Variants in WDR81 observed in about 807,000 individuals in gnomAD.
WDR81 encodes WD repeat domain 81, also known as WD repeat-containing protein 81.
Under a neutral mutation model 140.8 loss-of-function variants are expected in WDR81, and 92 were observed. The observed-to-expected ratio is 0.65, with a 90% CI of 0.55 to 0.78. WDR81 has a LOEUF of 0.78. Ranked by LOEUF, WDR81 falls within the 30% of genes least tolerant of loss-of-function variation. WDR81 has a pLI of 0.00. For synonymous variants in WDR81, 1,183 were observed against 1,156.4 expected, an observed-to-expected ratio of 1.02 and a Z score of -0.47; for missense variants, 2,502 against 2,636.4, an observed-to-expected ratio of 0.95 and a Z score of 1.12.
intron 1 of WDR81, among the ~76,000 whole-genome samples, 160 bp downstream of exon 1, chr17:1,728,786 T>C (rs1398646524): frequency 6.6e-6 from 1 of 151,810 alleles, no homozygotes; most frequent in East Asian, 1.9e-4. Flanking sequence ...ACCCCGTCTC[T>C]ACTAAAAATA....
At chr17:1,721,793 G>A (rs2151156780), upstream of WDR81, among the ~76,000 whole-genome samples, 1 of 148,078 alleles carries the variant, frequency 6.8e-6, no homozygotes, top group Non-Finnish European at 1.5e-5. Context: ...CTGCATTCTA[G>A]CCTGGGCAAC....
chr17:1,725,187 T>C lies in WDR81; in HGVS notation c.228T>C (p.Cys76=). 6.5e-7 allele frequency: 1 copy of C among 1,536,838 alleles called. No homozygotes were observed. Among genetic ancestry groups the C allele is most frequent in the Non-Finnish European group, 8.7e-7 (1 of 1,146,346 alleles). ...LRDRRLPLGP[C]PRAEGLGEAE... ...ATCGCCGGCTGCCCCTGGGACCCTG[T>C]CCCCGCGCAGAGGGCCTGGGAGAAG... Residue 76 remains cysteine, a synonymous_variant, in exon 1 of 10, where the codon TGT becomes TGC. Transcript: ENST00000409644.
chr17:1,727,837 A>G lies in WDR81; in HGVS notation c.2878A>G (p.Lys960Glu). 3.2e-6 allele frequency: 5 copies of G among 1,550,642 alleles called. No individual in the cohort carries two copies. The highest frequency in any genetic ancestry group is 4.4e-6 in the Non-Finnish European group (5 of 1,147,044). ...GGCACTGGGCCCCAAAAATGCCAAT[A>G]AGTACCTCCTGAAGCCGCTCATTGG... is the stretch of plus-strand genomic sequence containing the variant. ...AKALGPKNAN[K>E]YLLKPLIGAY... Residue 960 changes from lysine to glutamate, a missense_variant, in exon 1 of 10, where the codon AAG becomes GAG. Lys to Glu is a moderately conservative substitution (Grantham distance 56). Around this residue, in one of 3 missense-constraint regions of WDR81, gnomAD observed 1,737 missense variants for 1,843.0 expected, o/e 0.94. Transcript: ENST00000409644.
chr17:1,728,809 C>T (rs955970409), intron 1 of WDR81, among the ~76,000 whole-genome samples, 183 bp downstream of exon 1: 17 of 151,970 alleles, frequency 1.1e-4, no homozygotes, highest in Non-Finnish European at 1.9e-4. Context: ...AAAAAATAGC[C>T]GGGCGTGGGG....
rs570441656 is a variant in WDR81, at chr17:1,732,401, A to G, written c.4234A>G (p.Ile1412Val). 5 of 1,613,488 alleles carry G rather than the reference A, an allele frequency of 3.1e-6. No homozygotes were observed. Among genetic ancestry groups the G allele is most frequent in the African/African-American group, 1.3e-5 (1 of 75,002 alleles). ...CCTCATCGCCCTCATCTGCCTGCGC[A>G]TTGGACAGGAGATGGTCCAGCAGCA... Reference protein sequence around the residue: ...ISLIALICLRIGQEMVQQHLS... With the variant: ...ISLIALICLRVGQEMVQQHLS... The change falls in exon 5 of 10, where the codon ATT becomes GTT. Residue 1412 changes from isoleucine to valine, a missense_variant. Transcript: ENST00000409644.
At position 1,725,442 on chromosome 17, in the gene WDR81, G is replaced by T. The variant is rs1478627160; in HGVS notation, c.483G>T (p.Pro161=). Residue 161 remains proline (P), a synonymous_variant, in exon 1 of 10, where the codon CCG becomes CCT. Transcript: ENST00000409644. The part of the protein sequence containing the change: ...WRHAYHTYGQ[P]YSHSPAPSAV... ...ATGCATACCACACTTACGGCCAGCCGTACAGTCACAGCCCTGCCCCCTCAG... is the reference window on the plus strand; with the variant it reads ...ATGCATACCACACTTACGGCCAGCCTTACAGTCACAGCCCTGCCCCCTCAG... 3.9e-6 allele frequency: 6 copies of T among 1,549,260 alleles called. No individual in the cohort carries two copies. Among genetic ancestry groups the T allele is most frequent in the Admixed American group, 2.0e-5 (1 of 51,014 alleles).
chr17:1,730,877 C>T lies in WDR81; in HGVS notation c.3898C>T (p.Leu1300Phe), dbSNP rs147582538. 3 of 1,612,856 alleles carry T rather than the reference C, an allele frequency of 1.9e-6. No homozygotes were observed. The highest frequency in any genetic ancestry group is 2.5e-6 in the Non-Finnish European group (3 of 1,179,978). Reference sequence around the variant, plus strand: ...GTCAGGGCCTGTGCTCAGCTGCCTCCTCCACATCGCCCGCCTGTATGGGGA... The same window carrying T: ...GTCAGGGCCTGTGCTCAGCTGCCTCTTCCACATCGCCCGCCTGTATGGGGA... ...IVSGPVLSCL[L>F]HIARLYGEPV... is the part of the protein sequence containing the mutation. The change falls in exon 3 of 10, where the codon CTC (leucine) becomes TTC (phenylalanine). Residue 1300 changes from leucine (L) to phenylalanine (F), a missense_variant. Leu to Phe is a conservative substitution (Grantham distance 22). Coordinates refer to ENST00000409644, the MANE Select transcript of WDR81 (RefSeq NM_001163809.2).
chr17:1,730,383 C>G lies in WDR81; in HGVS notation c.3671C>G (p.Thr1224Arg). Reference protein sequence around the residue: ...EGKEQKILLDTACKMVRWLSA... With the variant: ...EGKEQKILLDRACKMVRWLSA... ...AGGGCCTGCTCCCACCCCGCAGATACAGCCTGCAAGATGGTCCGCTGGCTG... is the reference window on the plus strand; with the variant it reads ...AGGGCCTGCTCCCACCCCGCAGATAGAGCCTGCAAGATGGTCCGCTGGCTG... The change falls in exon 2 of 10, where the codon ACA (threonine) becomes AGA (arginine). Residue 1224 changes from threonine (T) to arginine (R), a missense_variant. This residue lies in a region of WDR81 where 1,737 missense variants were observed against 1,843.0 expected (regional missense o/e 0.94). Transcript: ENST00000409644. 6 of 1,611,606 alleles carry G rather than the reference C, an allele frequency of 3.7e-6. No homozygotes were observed. Among genetic ancestry groups the G allele is most frequent in the Non-Finnish European group, 5.1e-6 (6 of 1,179,240 alleles).
rs571308358 is a variant in WDR81 at position 1,728,999 on chromosome 17, C to T, written c.3667+373C>T. Among the ~76,000 whole-genome samples the T allele has an allele frequency of 1.2e-3, 177 of 152,254 alleles. 1 individual carries two copies. Among genetic ancestry groups the T allele is most frequent in the Middle Eastern group, 3.4e-3 (1 of 292 alleles). On this transcript the variant is annotated intron_variant, in intron 1 of 9. Transcript: ENST00000409644. ...AAAACAGCTCCTGCTTCTCCCTGCA[C>T]ACTGGCAGAGCACCTACTCTGTGCC... is the stretch of plus-strand genomic sequence containing the variant.
At chr17:1,736,241 C>T (rs970799913) in intron 9 of WDR81, 23 bp downstream of exon 9, 5 of 1,586,768 alleles carry the variant, frequency 3.2e-6, no homozygotes, top group Non-Finnish European at 8.5e-7. Context: ...GTCTCCCTCC[C>T]CTTGCTGCCC....
At chr17:1,724,468 G>C, upstream of WDR81, 2 of 985,424 alleles carry the variant, frequency 2.0e-6, no homozygotes, top group Non-Finnish European at 2.4e-6. Flanking sequence ...CCGCGCGCTG[G>C]TGCGTGCTGG....
In WDR81 at chr17:1,728,128, C is replaced by T. The variant is rs764034538; in HGVS notation, c.3169C>T (p.Pro1057Ser). 6.2e-7 allele frequency: 1 copy of T among 1,606,248 alleles called. No individual in the cohort carries two copies. The highest frequency in any genetic ancestry group is 1.3e-5 in the African/African-American group (1 of 74,748). The change falls in exon 1 of 10, where the codon CCT becomes TCT. Residue 1057 changes from proline to serine, a missense_variant. Physicochemically the swap from Pro to Ser is moderately conservative, Grantham distance 74 (BLOSUM62 -1). Coordinates refer to ENST00000409644, the MANE Select transcript of WDR81 (RefSeq NM_001163809.2). ...GEEIPMDGEP[P>S]ASSGLGLPDY... ...GGAGATTCCCATGGATGGGGAGCCTCCTGCCTCCTCGGGCCTGGGGCTCCC... is the reference window on the plus strand; with the variant it reads ...GGAGATTCCCATGGATGGGGAGCCTTCTGCCTCCTCGGGCCTGGGGCTCCC...
intron 1 of WDR81, chr17:1,717,103 A>T (rs1914610674): frequency 5.7e-6 from 1 of 174,628 alleles, no homozygotes; most frequent in Non-Finnish European, 1.2e-5. Flanking sequence ...GCAAAGGGTC[A>T]GCAATCGCAT....
upstream of WDR81, among the ~76,000 whole-genome samples, chr17:1,721,557 C>G (rs1567714749): frequency 6.6e-6 from 1 of 151,960 alleles, no homozygotes; most frequent in Non-Finnish European, 1.5e-5. Flanking sequence ...CACCATGGCT[C>G]ACACCTGTAA....
At chr17:1,724,698 C>G (rs1025352358), upstream of WDR81, 1 of 1,077,948 alleles carries the variant, frequency 9.3e-7, no homozygotes, top group East Asian at 6.6e-5. Flanking sequence ...TCACGTGACC[C>G]GCGTCAGCTG....
chr17:1,722,668 C>G (rs1343617912), upstream of WDR81, among the ~76,000 whole-genome samples: 1 of 147,720 alleles, frequency 6.8e-6, no homozygotes, highest in Non-Finnish European at 1.5e-5. Flanking sequence ...TCCTATCAGG[C>G]CTAGTTTTCT....
At chr17:1,730,982 G>A (rs994406961) in intron 3 of WDR81, 37 bp downstream of exon 3, 1 of 1,608,478 alleles carries the variant, frequency 6.2e-7, no homozygotes, top group Non-Finnish European at 8.5e-7. Flanking sequence ...GGCTGGGAAG[G>A]CTGAGGACCT....
chr17:1,716,941 C>T (rs1914599352), intron 1 of WDR81: 2 of 493,422 alleles, frequency 4.1e-6, no homozygotes, highest in Non-Finnish European at 7.2e-6. Flanking sequence ...CCACAGGAGG[C>T]TTTTTTTCTT....
upstream of WDR81, among the ~76,000 whole-genome samples, chr17:1,723,421 TTA>T (rs1914986123): frequency 6.7e-6 from 1 of 148,790 alleles, no homozygotes; most frequent in South Asian, 2.1e-4. Context: ...TTATTTATTT[TTA>T]TTTATTTATT....
Sources: allele counts gnomAD v4.1 joint callset (sites outside exome capture counted in the v4.1 genomes callset), GRCh38; gene constraint gnomAD v4.1.1; regional missense constraint gnomAD v4.1.1; transcripts MANE v1.5; gene names NCBI Gene and HGNC (gene_info 2026-07-23, HGNC 2026-07-21).